The following MTG2 variants were observed in gnomAD, a reference collection of about 807,000 sequenced individuals.
MTG2 encodes the protein mitochondrial ribosome-associated GTPase 2.
Under a neutral mutation model 28.6 loss-of-function variants are expected in MTG2, and 23 were observed. That is an observed-to-expected ratio of 0.80 (90% CI 0.58 to 1.14). MTG2 has a LOEUF of 1.14. Among genes scored for constraint, MTG2 ranks in the 50% most tolerant of loss-of-function variants. The pLI, the probability that MTG2 is intolerant of heterozygous loss-of-function variation, is 0.00. For missense variants in MTG2, 539 were observed against 552.0 expected (o/e 0.98, Z 0.24); for synonymous variants, 260 against 251.8 (o/e 1.03, Z -0.31).
intron 1 of MTG2, among the ~76,000 whole-genome samples, chr20:62,188,508 A>ATT (rs1192106476): frequency 0.018 from 1,580 of 89,608 alleles, 51 homozygotes; most frequent in African/African-American, 0.053. Flanking sequence ...TAATCAGCTA[A>ATT]TTTTTTTTTT....
chr20:62,191,272 C>T (rs1288819216), intron 1 of MTG2, among the ~76,000 whole-genome samples: 5 of 152,064 alleles, frequency 3.3e-5, no homozygotes, highest in African/African-American at 4.8e-5. Context: ...GGGATAGGGA[C>T]GCAGACTTTC....
chr20:62,199,231 A>G lies in MTG2; in HGVS notation c.800A>G (p.His267Arg). The change falls in exon 6 of 7, where the codon CAC (histidine) becomes CGC (arginine). Residue 267 changes from histidine (H) to arginine (R), a missense_variant. By Grantham distance (29) the His-to-Arg change is conservative (BLOSUM62 0). Transcript: ENST00000370823. ...CTGAAGCCCCACGTCGGGATCGTCC[A>G]CTACGAAGGCCACCTACAAATAGCA... ...TTLKPHVGIV[H>R]YEGHLQIAVA... The G allele has an allele frequency of 2.5e-6, 4 of 1,614,010 alleles. No individual in the cohort carries two copies. The South Asian group carries it at 3.3e-5, about 13-fold the overall frequency.
chr20:62,185,132 G>A (rs1208354808), intron 1 of MTG2, among the ~76,000 whole-genome samples: 1 of 151,812 alleles, frequency 6.6e-6, no homozygotes. Context: ...AAAAAAAATG[G>A]CCAGGGCGTG....
Position 62,193,614 on chromosome 20 carries a change from A to T in MTG2, c.194A>T (p.Glu65Val). 6.2e-7 allele frequency: 1 copy of T among 1,611,322 alleles called. No individual in the cohort carries two copies. The change falls in exon 2 of 7, where the codon GAG becomes GTG. Residue 65 changes from glutamate (E) to valine (V), a missense_variant. Physicochemically the swap from Glu to Val is moderately radical, Grantham distance 121. Coordinates refer to ENST00000370823, the MANE Select transcript of MTG2 (RefSeq NM_015666.4). Reference sequence around the variant, plus strand: ...CTCCCGGGGAAGAAGCTGCTCTCTGAGAAAAAGCTGGTGAGACTCCTGGAG... The same window carrying T: ...CTCCCGGGGAAGAAGCTGCTCTCTGTGAAAAAGCTGGTGAGACTCCTGGAG... ...QELPGKKLLS[E>V]KKLKRYFVDY...
chr20:62,200,767 G>T lies in MTG2; in HGVS notation c.911G>T (p.Arg304Leu). 1 of 1,613,760 alleles carries T rather than the reference G, an allele frequency of 6.2e-7. No individual in the cohort carries two copies. The highest frequency in any genetic ancestry group is 8.5e-7 in the Non-Finnish European group (1 of 1,180,034). ...SAFLRHIERC[R>L]FLLFVVDLSQ... ...TTCCTCAGGCACATCGAGCGCTGCC[G>T]CTTTCTCTTGTTCGTGGTGGATCTT... is the stretch of plus-strand genomic sequence containing the variant. The change falls in exon 7 of 7, where the codon CGC becomes CTC. Residue 304 changes from arginine (R) to leucine (L), a missense_variant. By Grantham distance (102) the Arg-to-Leu change is moderately radical. Coordinates refer to ENST00000370823, the MANE Select transcript of MTG2 (RefSeq NM_015666.4).
intron 3 of MTG2, among the ~76,000 whole-genome samples, chr20:62,196,865 C>CA (rs1159832998): frequency 1.1e-4 from 16 of 151,164 alleles, no homozygotes; most frequent in African/African-American, 3.4e-4. Flanking sequence ...CCCGTCTCTA[C>CA]AAAAAATACA....
chr20:62,191,441 C>G lies in MTG2; in HGVS notation c.-5-1975C>G, dbSNP rs546902181. Reference sequence around the variant, plus strand: ...AGGGAAGTCCAGTCGGCGACTGACTCTTAAGTGATTCAGGAGGAAGTTCTT... The same window carrying G: ...AGGGAAGTCCAGTCGGCGACTGACTGTTAAGTGATTCAGGAGGAAGTTCTT... On this transcript the variant is annotated intron_variant, in intron 1 of 6. Coordinates refer to ENST00000370823, the MANE Select transcript of MTG2 (RefSeq NM_015666.4). Among the ~76,000 whole-genome samples the G allele has an allele frequency of 2.1e-3, 327 of 152,298 alleles. 3 individuals are homozygous for G. The highest frequency in any genetic ancestry group is 5.1e-3 in the Admixed American group (78 of 15,300).
chr20:62,194,979 G>A (rs968787578), intron 2 of MTG2, among the ~76,000 whole-genome samples: 18 of 152,062 alleles, frequency 1.2e-4, no homozygotes, highest in African/African-American at 4.3e-4. Flanking sequence ...GGTGGATCAC[G>A]AGGTCAGGAG....
rs529304631 is a variant in MTG2 at position 62,199,625 on chromosome 20, G to A, written c.826+368G>A. On this transcript the variant is annotated intron_variant, in intron 6 of 6. Coordinates refer to ENST00000370823, the MANE Select transcript of MTG2 (RefSeq NM_015666.4). ...CATGCCACTGCACTCCAGCCTGGGCGACAGAGCGAAACTCCATCTCAAAAA... is the reference window on the plus strand; with the variant it reads ...CATGCCACTGCACTCCAGCCTGGGCAACAGAGCGAAACTCCATCTCAAAAA... Among the ~76,000 whole-genome samples, 510 of 131,448 alleles carry A rather than the reference G, an allele frequency of 3.9e-3. 8 individuals are homozygous for A. Among genetic ancestry groups the A allele is most frequent in the African/African-American group, 0.014 (478 of 34,836 alleles). The allele number at this position is 131,448 out of a possible 152,430, so 86.2% of individuals were successfully genotyped here.
chr20:62,196,110 C>G (rs960998384), intron 3 of MTG2, among the ~76,000 whole-genome samples, 161 bp downstream of exon 3: 2 of 151,798 alleles, frequency 1.3e-5, no homozygotes, highest in African/African-American at 4.8e-5. Flanking sequence ...CCCATAAGTT[C>G]AAGACCAGCC....
intron 1 of MTG2, 68 bp from the exon 2 acceptor site, chr20:62,193,348 G>A (rs562981742): frequency 2.8e-5 from 41 of 1,469,806 alleles, no homozygotes; most frequent in Middle Eastern, 1.7e-4. Context: ...TGAGGCCCTC[G>A]TCTTCAGTTT....
At position 62,201,053 on chromosome 20, in the gene MTG2, G is replaced by A. The variant is rs926210125; in HGVS notation, c.1197G>A (p.Gln399=). ...CCTACGCGGAGGCCGAGCTGGGCCA[G>A]GGCCGCCAGCCGCTCAGGTGGTAGC... ...YDAYAEAELG[Q]GRQPLRW is the part of the protein sequence containing the mutation. The change falls in exon 7 of 7, where the codon CAG becomes CAA. Residue 399 remains glutamine, a synonymous_variant. Coordinates refer to ENST00000370823, the MANE Select transcript of MTG2 (RefSeq NM_015666.4). 1 of 1,598,424 alleles carries A rather than the reference G, an allele frequency of 6.3e-7. No individual in the cohort carries two copies. Among genetic ancestry groups the A allele is most frequent in the Middle Eastern group, 1.7e-4 (1 of 5,950 alleles).
chr20:62,184,893 TG>T (rs1439797431), intron 1 of MTG2, among the ~76,000 whole-genome samples: 12 of 152,144 alleles, frequency 7.9e-5, no homozygotes, highest in African/African-American at 2.9e-4. Context: ...GTGGATTTCC[TG>T]AAGTCGGGAG....
Position 62,200,750 on chromosome 20 carries a change from G to A in MTG2, c.894G>A (p.Arg298=). 1 of 1,613,614 alleles carries A rather than the reference G, an allele frequency of 6.2e-7. No individual in the cohort carries two copies. The highest frequency in any genetic ancestry group is 8.5e-7 in the Non-Finnish European group (1 of 1,180,042). ...GGGGTCTGGGGTCCGCCTTCCTCAG[G>A]CACATCGAGCGCTGCCGCTTTCTCT... The part of the protein sequence containing the change: ...QNRGLGSAFL[R]HIERCRFLLF... The change falls in exon 7 of 7, where the codon AGG becomes AGA. Residue 298 remains arginine (R), a synonymous_variant. Transcript: ENST00000370823.
At chr20:62,186,388 G>A (rs979270088) in intron 1 of MTG2, among the ~76,000 whole-genome samples, 10 of 152,112 alleles carry the variant, frequency 6.6e-5, no homozygotes, top group Admixed American at 2.0e-4. Context: ...TTTGTATTTG[G>A]CACTACCATA....
chr20:62,191,132 G>A (rs1601089765), intron 1 of MTG2, among the ~76,000 whole-genome samples: 1 of 152,154 alleles, frequency 6.6e-6, no homozygotes, highest in Non-Finnish European at 1.5e-5. Flanking sequence ...GTGCTGAATT[G>A]GGAATGAGGA....
chr20:62,185,831 G>A (rs1222689320), intron 1 of MTG2, among the ~76,000 whole-genome samples: 4 of 152,302 alleles, frequency 2.6e-5, no homozygotes. Flanking sequence ...GGACAGCCTT[G>A]TTGGAAGGAA....
rs1207537664 is a variant in MTG2 at position 62,201,124 on chromosome 20, G to C, written c.*47G>C. 1 of 1,519,322 alleles carries C rather than the reference G, an allele frequency of 6.6e-7. No individual in the cohort carries two copies. The highest frequency in any genetic ancestry group is 1.4e-5 in the African/African-American group (1 of 72,546). 94.1% of individuals were successfully genotyped at this position (1,519,322 alleles called of 1,614,324 possible). ...TCTGGGCCTCTGTCTGAGCAAACCTGGGTGTGAATTCGGTGGTTTTGAATG... is the reference window on the plus strand; with the variant it reads ...TCTGGGCCTCTGTCTGAGCAAACCTCGGTGTGAATTCGGTGGTTTTGAATG... On this transcript the variant is annotated 3_prime_UTR_variant, in exon 7 of 7. Coordinates refer to ENST00000370823, the MANE Select transcript of MTG2 (RefSeq NM_015666.4).
intron 4 of MTG2, 109 bp downstream of exon 4, chr20:62,198,076 A>G: frequency 2.5e-6 from 2 of 815,558 alleles, no homozygotes; most frequent in South Asian, 3.0e-5. Context: ...GCCCACAGCT[A>G]GGAAACAGCA....
Sources: allele counts gnomAD v4.1 joint callset (sites outside exome capture counted in the v4.1 genomes callset), GRCh38; gene constraint gnomAD v4.1.1; transcripts MANE v1.5; gene names NCBI Gene and HGNC (gene_info 2026-07-23, HGNC 2026-07-21).